The following AGBL4 variants were observed in gnomAD, a reference collection of about 807,000 sequenced individuals.
The protein encoded by AGBL4 is cytosolic carboxypeptidase 6.
Under a neutral mutation model 66.4 loss-of-function variants are expected in AGBL4, and 58 were observed. The ratio of observed to expected loss-of-function variants is 0.87; its 90% CI spans 0.71 to 1.09. The LOEUF (loss-of-function observed/expected upper bound fraction) is 1.09, where lower values mean the gene tolerates loss of function less well. Ranked by LOEUF, AGBL4 falls within the 50% of genes least tolerant of loss-of-function variation. The probability of loss-of-function intolerance (pLI) is 0.00; values close to 1 mark genes in which losing one functional copy is unlikely to be tolerated. For synonymous variants in AGBL4, 234 were observed against 222.9 expected, an observed-to-expected ratio of 1.05 and a Z score of -0.44; for missense variants, 579 against 631.0, an observed-to-expected ratio of 0.92 and a Z score of 0.88.
chr1:48,572,778 C>T (rs1644588255), intron 11 of AGBL4, among the ~76,000 whole-genome samples: 1 of 152,146 alleles, frequency 6.6e-6, no homozygotes, highest in Admixed American at 6.5e-5. Context: ...ACCAGGCTGC[C>T]TTCCAATCCT....
chr1:49,605,652 C>A (rs1403987484), intron 3 of AGBL4, among the ~76,000 whole-genome samples: 1 of 151,918 alleles, frequency 6.6e-6, no homozygotes, highest in African/African-American at 2.4e-5. Context: ...ATGGCAATGC[C>A]AAGAATGAGT....
intron 3 of AGBL4, among the ~76,000 whole-genome samples, chr1:49,627,289 AG>A (rs1185028200): frequency 9.2e-5 from 14 of 152,164 alleles, no homozygotes; most frequent in African/African-American, 3.4e-4. Context: ...TCTATCTTAA[AG>A]AAAATATTTT....
chr1:49,288,554 T>A lies in AGBL4; in HGVS notation c.283-42690A>T, dbSNP rs1311521395. Among the ~76,000 whole-genome samples the A allele has an allele frequency of 2.0e-5, 3 of 152,126 alleles. No individual in the cohort carries two copies. In the East Asian group the frequency reaches 5.8e-4, roughly 29 times the overall value. The stretch of plus-strand genomic sequence containing the variant: ...AAAATTCTGTGCAATTTTCCTTCAA[T>A]TCACTTGCAAAATTCTAAGCTGCTC... On this transcript the variant is annotated intron_variant, in intron 3 of 13. Coordinates refer to ENST00000371839, the MANE Select transcript of AGBL4 (RefSeq NM_032785.4).
chr1:48,577,411 C>T (rs1418812394), intron 11 of AGBL4, among the ~76,000 whole-genome samples: 1 of 152,220 alleles, frequency 6.6e-6, no homozygotes, highest in East Asian at 1.9e-4. Flanking sequence ...TGAAGGCTGA[C>T]AGTTATCACT....
At chr1:48,664,085 G>A (rs1234936153) in intron 6 of AGBL4, among the ~76,000 whole-genome samples, 9 of 152,168 alleles carry the variant, frequency 5.9e-5, no homozygotes, top group Admixed American at 3.3e-4. Context: ...GATTGCCCTG[G>A]CTTTTTGCCT....
rs185519688 is a variant in AGBL4, at chr1:49,304,081, A to G, written c.283-58217T>C. Among the ~76,000 whole-genome samples the G allele has an allele frequency of 7.2e-4, 109 of 152,232 alleles. 2 individuals carry two copies. Among genetic ancestry groups the G allele is most frequent in the Middle Eastern group, 3.4e-3 (1 of 294 alleles). On this transcript the variant is annotated intron_variant, in intron 3 of 13. Transcript: ENST00000371839. ...GTCTATGTCCTGCATGGTATTGCCT[A>G]GATTTTCTTCTAGGGTTTTTATAGT...
At chr1:49,605,041 G>T (rs1466669575) in intron 3 of AGBL4, among the ~76,000 whole-genome samples, 1 of 151,948 alleles carries the variant, frequency 6.6e-6, no homozygotes, top group East Asian at 1.9e-4. Flanking sequence ...ACTCACAAAA[G>T]TCCTAGGACA....
chr1:49,837,049 G>A (rs1313015441), intron 2 of AGBL4, among the ~76,000 whole-genome samples: 1 of 152,206 alleles, frequency 6.6e-6, no homozygotes, highest in Non-Finnish European at 1.5e-5. Flanking sequence ...CTTACTTGAG[G>A]AGGCAGTCTG....
chr1:49,695,683 A>C (rs1646970044), intron 3 of AGBL4, among the ~76,000 whole-genome samples: 1 of 152,142 alleles, frequency 6.6e-6, no homozygotes, highest in Non-Finnish European at 1.5e-5. Context: ...TGTGTGGTGT[A>C]ACTTTTTCTC....
chr1:49,628,560 C>G (rs1645508504), intron 3 of AGBL4, among the ~76,000 whole-genome samples: 1 of 152,136 alleles, frequency 6.6e-6, no homozygotes, highest in Non-Finnish European at 1.5e-5. Context: ...CCTAAATCTT[C>G]AAAAGGTTTA....
intron 7 of AGBL4, among the ~76,000 whole-genome samples, chr1:48,658,644 G>A (rs747216585): frequency 6.6e-6 from 1 of 152,174 alleles, no homozygotes; most frequent in African/African-American, 2.4e-5. Flanking sequence ...CGTCACAAAC[G>A]CTTAGTGGAT....
intron 4 of AGBL4, among the ~76,000 whole-genome samples, chr1:49,179,885 C>T (rs1327486118): frequency 6.6e-6 from 1 of 151,980 alleles, no homozygotes; most frequent in Non-Finnish European, 1.5e-5. Context: ...AGTTACTTAA[C>T]ATCTTTATTT....
intron 4 of AGBL4, among the ~76,000 whole-genome samples, chr1:49,081,283 A>T (rs1644804373): frequency 6.6e-6 from 1 of 152,162 alleles, no homozygotes; most frequent in South Asian, 2.1e-4. Context: ...TATAAAAATG[A>T]CTCAGCTCCT....
At chr1:48,696,725 G>A (rs910588055) in intron 6 of AGBL4, among the ~76,000 whole-genome samples, 1 of 152,316 alleles carries the variant, frequency 6.6e-6, no homozygotes, top group East Asian at 1.9e-4. Context: ...AGGCATCACC[G>A]GAGTGAGAAA....
intron 1 of AGBL4, among the ~76,000 whole-genome samples, chr1:49,869,569 G>A (rs763553232): frequency 5.3e-5 from 8 of 152,122 alleles, no homozygotes; most frequent in Non-Finnish European, 1.2e-4. Context: ...ACAGGGAGAG[G>A]AAAAACACAC....
chr1:48,644,718 T>A (rs191044837), intron 8 of AGBL4, among the ~76,000 whole-genome samples: 1 of 151,858 alleles, frequency 6.6e-6, no homozygotes, highest in East Asian at 1.9e-4. Context: ...AGGTGGACAG[T>A]TGGAGAGGAA....
Position 49,195,882 on chromosome 1 carries a change from G to A in AGBL4, c.377+49888C>T, listed in dbSNP as rs540936471. Among the ~76,000 whole-genome samples the A allele has an allele frequency of 4.9e-4, 75 of 152,218 alleles. 1 individual carries two copies. The South Asian group carries it at 0.014, about 29-fold the overall frequency. On this transcript the variant is annotated intron_variant, in intron 4 of 13. Transcript: ENST00000371839. The stretch of plus-strand genomic sequence containing the variant: ...TCTAGGGAGAGATCTGGTAGGAGGT[G>A]ATTAGATCATGGGGACAATTTCCCC...
intron 3 of AGBL4, among the ~76,000 whole-genome samples, chr1:49,489,005 A>G (rs1570847329): frequency 6.6e-6 from 1 of 151,714 alleles, no homozygotes; most frequent in Admixed American, 6.6e-5. Context: ...AGACTTGCAG[A>G]TATATTTTTG....
At chr1:49,055,707 A>G (rs549840183) in intron 4 of AGBL4, among the ~76,000 whole-genome samples, 1 of 152,242 alleles carries the variant, frequency 6.6e-6, no homozygotes, top group East Asian at 1.9e-4. Context: ...AAAAATAATT[A>G]CTTTGATTTT....
Sources: allele counts gnomAD v4.1 joint callset (sites outside exome capture counted in the v4.1 genomes callset), GRCh38; gene constraint gnomAD v4.1.1; transcripts MANE v1.5; gene names NCBI Gene and HGNC (gene_info 2026-07-23, HGNC 2026-07-21).